Variants in ERBB4 observed in about 807,000 individuals in gnomAD.
The protein encoded by ERBB4 is erb-b2 receptor tyrosine kinase 4.
A neutral mutation model predicts 158.0 loss-of-function variants in ERBB4; 42 were observed. The ratio of observed to expected loss-of-function variants is 0.27; its 90% CI spans 0.21 to 0.34. The LOEUF is 0.34. Among genes scored for constraint, ERBB4 ranks in the 10% least tolerant of loss-of-function variants. The pLI is 1.00. For synonymous variants in ERBB4, 583 were observed against 558.7 expected (o/e 1.04, Z -0.61); for missense variants, 1,333 against 1,624.1 (o/e 0.82, Z 3.08).
At chr2:211,984,346 G>A (rs1559247869) in intron 2 of ERBB4, among the ~76,000 whole-genome samples, 1 of 152,078 alleles carries the variant, frequency 6.6e-6, no homozygotes, top group Non-Finnish European at 1.5e-5. Context: ...TCAGACTATA[G>A]CAGTGAAATA....
At chr2:211,517,040 A>C (rs2066053430) in intron 20 of ERBB4, among the ~76,000 whole-genome samples, 1 of 152,152 alleles carries the variant, frequency 6.6e-6, no homozygotes. Flanking sequence ...AAAGCTATTC[A>C]CTTAGGAGTA....
intron 3 of ERBB4, among the ~76,000 whole-genome samples, chr2:211,838,531 T>G (rs568949278): frequency 1.3e-5 from 2 of 152,236 alleles, no homozygotes; most frequent in East Asian, 3.9e-4. Context: ...GTGAAGTTTT[T>G]TAACCATTCT....
At chr2:212,470,533 G>A (rs1574980477) in intron 1 of ERBB4, among the ~76,000 whole-genome samples, 1 of 152,112 alleles carries the variant, frequency 6.6e-6, no homozygotes, top group African/African-American at 2.4e-5. Flanking sequence ...TCTTTGAATG[G>A]CAAAGTTAAG....
rs114090213 is a variant in ERBB4 at position 211,916,802 on chromosome 2, A to C, written c.421+30628T>G. On this transcript the variant is annotated intron_variant, in intron 3 of 27. Coordinates refer to ENST00000342788, the MANE Select transcript of ERBB4 (RefSeq NM_005235.3). ...TTATGTACCATAAATGTGCCTAAGG[A>C]GACACATTTAAGAATGTTTAATAGG... Among the ~76,000 whole-genome samples the C allele has an allele frequency of 3.2e-3, 492 of 152,312 alleles. 1 individual carries two copies. The highest frequency in any genetic ancestry group is 0.01 in the Middle Eastern group (3 of 294).
At chr2:211,743,387 A>G (rs77362711) in intron 5 of ERBB4, among the ~76,000 whole-genome samples, 3 of 152,272 alleles carry the variant, frequency 2.0e-5, no homozygotes, top group East Asian at 3.9e-4. Context: ...CTAGCAGGAC[A>G]AAAGGAATGC....
At chr2:211,526,572 G>A (rs76445861) in intron 20 of ERBB4, among the ~76,000 whole-genome samples, 18,245 of 151,914 alleles carry the variant, frequency 0.12, 1,863 homozygotes, top group African/African-American at 0.28. Context: ...TGCCCAGACA[G>A]TGATCCCACC....
In ERBB4 at chr2:211,673,286, T is replaced by C. The variant is rs778691796; in HGVS notation, c.1623-29A>G. The C allele has an allele frequency of 4.6e-6, 7 of 1,521,568 alleles. No individual in the cohort carries two copies. The South Asian group carries it at 7.8e-5, about 17-fold the overall frequency. 94.3% of individuals were successfully genotyped at this position (1,521,568 alleles called of 1,614,324 possible). On this transcript the variant is annotated intron_variant, in intron 13 of 27. Transcript: ENST00000342788. ...TGAAAACATCAGCCACATGAGGAGG[T>C]GTAAGCAAACAAGCGTCAACTTAAC...
intron 1 of ERBB4, among the ~76,000 whole-genome samples, chr2:212,525,773 CTGAT>C (rs1344255634): frequency 6.6e-6 from 1 of 151,942 alleles, no homozygotes; most frequent in Non-Finnish European, 1.5e-5. Flanking sequence ...AAGCAACTTC[CTGAT>C]TATTACAGTG....
intron 20 of ERBB4, among the ~76,000 whole-genome samples, chr2:211,442,082 T>C (rs1177934599): frequency 6.6e-6 from 1 of 152,140 alleles, no homozygotes. Context: ...GCAACTTGAC[T>C]CTGCTTGGCC....
At chr2:212,474,288 T>G (rs1287565685) in intron 1 of ERBB4, among the ~76,000 whole-genome samples, 3 of 152,062 alleles carry the variant, frequency 2.0e-5, no homozygotes, top group Non-Finnish European at 4.4e-5. Flanking sequence ...ATTGTTTAAT[T>G]GAAACATTTT....
intron 25 of ERBB4, among the ~76,000 whole-genome samples, chr2:211,410,548 A>T (rs938507071): frequency 6.6e-6 from 1 of 152,234 alleles, no homozygotes; most frequent in African/African-American, 2.4e-5. Flanking sequence ...TGGAAAAAGC[A>T]GATTCCCTGA....
At chr2:212,388,864 A>T (rs766694284) in intron 1 of ERBB4, among the ~76,000 whole-genome samples, 1 of 152,124 alleles carries the variant, frequency 6.6e-6, no homozygotes, top group Non-Finnish European at 1.5e-5. Context: ...CTAATTTCAA[A>T]ATATTAGATG....
chr2:211,422,172 T>G (rs2063526745), intron 23 of ERBB4, 68 bp from the exon 24 acceptor site: 4 of 1,048,706 alleles, frequency 3.8e-6, no homozygotes, highest in South Asian at 3.8e-5. Context: ...TTAAATTTTG[T>G]GAAAATATGA....
intron 1 of ERBB4, among the ~76,000 whole-genome samples, chr2:212,217,822 A>G (rs2083150508): frequency 6.6e-6 from 1 of 151,348 alleles, no homozygotes; most frequent in Non-Finnish European, 1.5e-5. Context: ...ATGAGATTAC[A>G]AGGATTTTTG....
Position 212,357,355 on chromosome 2 carries a change from T to A in ERBB4, c.82+181094A>T, listed in dbSNP as rs537926328. 3.3e-5 allele frequency among the ~76,000 whole-genome samples: 5 copies of A among 152,022 alleles called. 1 individual carries two copies. In the East Asian group the frequency reaches 9.7e-4, roughly 29 times the overall value. On this transcript the variant is annotated intron_variant, in intron 1 of 27. Transcript: ENST00000342788. ...TATCAAAGAAAAGTGCTCAAGTGGA[T>A]CCATCTGTCCATCTGTGAAGCATGA...
chr2:212,441,048 C>G (rs528263573), intron 1 of ERBB4, among the ~76,000 whole-genome samples: 17 of 152,134 alleles, frequency 1.1e-4, no homozygotes, highest in South Asian at 2.1e-4. Flanking sequence ...TGATCTGCAA[C>G]GAAAGATGCA....
In ERBB4 at chr2:211,828,460, G is replaced by A. The variant is rs529214699; in HGVS notation, c.422-40301C>T. On this transcript the variant is annotated intron_variant, in intron 3 of 27. Coordinates refer to ENST00000342788, the MANE Select transcript of ERBB4 (RefSeq NM_005235.3). ...ATCTGTGATCTGTGTCTGGGCCCTA[G>A]AATTCTTCTAGGGTCATCACAATGC... Among the ~76,000 whole-genome samples the A allele has an allele frequency of 7.9e-5, 12 of 152,172 alleles. No homozygotes were observed. The East Asian group carries it at 1.7e-3, about 22-fold the overall frequency.
In ERBB4 at chr2:211,598,101, T is replaced by C. The variant is rs556266760; in HGVS notation, c.2301+21076A>G. 4.6e-5 allele frequency among the ~76,000 whole-genome samples: 7 copies of C among 152,170 alleles called. No homozygotes were observed. In the South Asian group the frequency reaches 1.2e-3, roughly 27 times the overall value. ...TAGTTAAACTCACTATACACCTCAA[T>C]CTTTTGAAACACTGACTGCCAAGAG... On this transcript the variant is annotated intron_variant, in intron 19 of 27. Transcript: ENST00000342788.
intron 3 of ERBB4, among the ~76,000 whole-genome samples, chr2:211,818,919 G>A (rs1229434534): frequency 6.6e-6 from 1 of 152,006 alleles, no homozygotes; most frequent in Non-Finnish European, 1.5e-5. Context: ...TTTATAAAAT[G>A]TCTGCTCTAA....
Sources: gnomAD v4.1 joint callset for allele counts (sites outside exome capture counted in the v4.1 genomes callset) on GRCh38, gnomAD v4.1.1 for gene constraint, MANE v1.5 for transcripts, NCBI Gene and HGNC (gene_info 2026-07-23, HGNC 2026-07-21) for gene names.